Variants in DOCK1 observed in about 807,000 individuals in gnomAD.
The protein encoded by DOCK1 is dedicator of cytokinesis protein 1.
In DOCK1, 138 loss-of-function variants were observed where a neutral mutation model predicts 262.7. The ratio of observed to expected loss-of-function variants is 0.53; its 90% CI spans 0.46 to 0.61. The LOEUF (loss-of-function observed/expected upper bound fraction) is 0.61. Among genes scored for constraint, DOCK1 ranks in the 20% least tolerant of loss-of-function variants. DOCK1 has a pLI of 0.00. For synonymous variants in DOCK1, 866 were observed against 867.4 expected (o/e 1.00, Z 0.03); for missense variants, 1,908 against 2,370.7 (o/e 0.80, Z 4.05).
chr10:127,266,336 T>A lies in DOCK1; in HGVS notation c.3044+8907T>A, dbSNP rs1303982488. 3.3e-5 allele frequency among the ~76,000 whole-genome samples: 5 copies of A among 152,218 alleles called. No individual in the cohort carries two copies. The East Asian group carries it at 7.7e-4, about 23-fold the overall frequency. On this transcript the variant is annotated intron_variant, in intron 29 of 51. Coordinates refer to ENST00000623213, the MANE Select transcript of DOCK1 (RefSeq NM_001290223.2). The stretch of plus-strand genomic sequence containing the variant: ...TTGATGTTGTGACTTCTCATTTAAT[T>A]TATTTTTAATATTTATTGGCTTACT...
intron 1 of DOCK1, among the ~76,000 whole-genome samples, chr10:126,951,083 T>C (rs1356709172): frequency 6.6e-6 from 1 of 151,068 alleles, no homozygotes; most frequent in South Asian, 2.1e-4. Context: ...GGTAGTGTTT[T>C]TAGTATTGAT....
chr10:127,027,964 A>G (rs542234569), intron 16 of DOCK1, among the ~76,000 whole-genome samples: 4 of 149,216 alleles, frequency 2.7e-5, no homozygotes, highest in Admixed American at 6.8e-5. Flanking sequence ...ATGACTGTCA[A>G]TGGCAGATGT....
At chr10:127,302,553 G>A (rs1213111381) in intron 29 of DOCK1, among the ~76,000 whole-genome samples, 1 of 152,180 alleles carries the variant, frequency 6.6e-6, no homozygotes, top group African/African-American at 2.4e-5. Context: ...CTGGTGATGG[G>A]CTGTCAGTCC....
intron 37 of DOCK1, among the ~76,000 whole-genome samples, chr10:127,383,654 G>A (rs931510632): frequency 2.0e-5 from 3 of 152,182 alleles, no homozygotes; most frequent in African/African-American, 4.8e-5. Context: ...AAAGTGGGGC[G>A]GGACCTTTGC....
chr10:127,027,781 TG>T (rs2042969853), intron 16 of DOCK1, among the ~76,000 whole-genome samples: 1 of 151,764 alleles, frequency 6.6e-6, no homozygotes, highest in South Asian at 2.1e-4. Context: ...GGGCCCTCCA[TG>T]TGGGGTGGGT....
intron 25 of DOCK1, among the ~76,000 whole-genome samples, chr10:127,125,160 G>T (rs1283383989): frequency 6.6e-6 from 1 of 152,166 alleles, no homozygotes; most frequent in Non-Finnish European, 1.5e-5. Flanking sequence ...ATGTGTGTTT[G>T]TGTCTGCATT....
At chr10:127,222,775 CT>C (rs2058488798) in intron 27 of DOCK1, among the ~76,000 whole-genome samples, 1 of 151,684 alleles carries the variant, frequency 6.6e-6, no homozygotes, top group Non-Finnish European at 1.5e-5. Flanking sequence ...AAGTGATTCT[CT>C]CACTTTAGCC....
At chr10:126,974,252 C>T (rs1241379416) in intron 2 of DOCK1, among the ~76,000 whole-genome samples, 1 of 152,158 alleles carries the variant, frequency 6.6e-6, no homozygotes, top group Non-Finnish European at 1.5e-5. Context: ...CCATAGCGTC[C>T]CCAGGGTGAG....
At chr10:127,344,481 T>C (rs537955701) in intron 31 of DOCK1, 1 of 152,326 alleles carries the variant, frequency 6.6e-6, no homozygotes, top group East Asian at 1.9e-4. Flanking sequence ...AGTTCTGAAA[T>C]TGCATTGGTG....
intron 22 of DOCK1, among the ~76,000 whole-genome samples, chr10:127,057,950 A>T (rs528067599): frequency 2.0e-5 from 3 of 152,270 alleles, no homozygotes; most frequent in South Asian, 4.1e-4. Flanking sequence ...GGTCTTATTC[A>T]TCTGTTTATT....
chr10:127,139,332 AT>A (rs1273102999), intron 27 of DOCK1, among the ~76,000 whole-genome samples: 5 of 152,202 alleles, frequency 3.3e-5, no homozygotes, highest in African/African-American at 1.2e-4. Flanking sequence ...GGGCCATTTC[AT>A]GTTTTAAATC....
At chr10:127,395,867 G>A (rs1477726693) in intron 38 of DOCK1, among the ~76,000 whole-genome samples, 1 of 152,244 alleles carries the variant, frequency 6.6e-6, no homozygotes, top group East Asian at 1.9e-4. Flanking sequence ...TGGCCTAGAA[G>A]CCAAGAGTTC....
chr10:127,028,207 G>A (rs539223032), intron 16 of DOCK1, among the ~76,000 whole-genome samples: 3 of 152,264 alleles, frequency 2.0e-5, no homozygotes, highest in Admixed American at 6.5e-5. Context: ...CAGGAAGGCC[G>A]CCAGCTTGGA....
Position 126,926,141 on chromosome 10 carries a change from A to G in DOCK1, c.46+20578A>G, listed in dbSNP as rs116426429. Among the ~76,000 whole-genome samples the G allele has an allele frequency of 3.9e-3, 597 of 152,214 alleles. 7 individuals carry two copies. The highest frequency in any genetic ancestry group is 0.014 in the African/African-American group (578 of 41,538). On this transcript the variant is annotated intron_variant, in intron 1 of 51. Transcript: ENST00000623213. Reference sequence around the variant, plus strand: ...TAAAATGTTCAGCATCGTGCCCGACACCTGGTAGCCACCTGCTACATGGGA... The same window carrying G: ...TAAAATGTTCAGCATCGTGCCCGACGCCTGGTAGCCACCTGCTACATGGGA...
At chr10:127,251,636 G>A (rs572659118) in intron 28 of DOCK1, among the ~76,000 whole-genome samples, 1 of 147,892 alleles carries the variant, frequency 6.8e-6, no homozygotes, top group Non-Finnish European at 1.5e-5. Context: ...GCGGTGTTTG[G>A]TTTTTTGTCC....
At chr10:126,949,944 G>A (rs2134376928) in intron 1 of DOCK1, among the ~76,000 whole-genome samples, 1 of 152,166 alleles carries the variant, frequency 6.6e-6, no homozygotes, top group East Asian at 1.9e-4. Context: ...AGCATGCAGT[G>A]TTGTGGCTAG....
chr10:126,998,139 A>G lies in DOCK1; in HGVS notation c.657A>G (p.Ala219=), dbSNP rs762063121. 6.2e-7 allele frequency: 1 copy of G among 1,614,062 alleles called. No individual in the cohort carries two copies. Among genetic ancestry groups the G allele is most frequent in the South Asian group, 1.1e-5 (1 of 91,088 alleles). Residue 219 remains alanine, a synonymous_variant, in exon 8 of 52, where the codon GCA becomes GCG. Transcript: ENST00000623213. ...TTAACAGACAAGCCAAGTTTGCTGC[A>G]ACCCCTTCTCTGGCCTTGTTTGTGA... The part of the protein sequence containing the change: ...IDINRQAKFA[A]TPSLALFVNL...
At chr10:127,316,673 C>T (rs1306523791) in intron 29 of DOCK1, among the ~76,000 whole-genome samples, 3 of 152,056 alleles carry the variant, frequency 2.0e-5, no homozygotes, top group East Asian at 1.9e-4. Context: ...CTCAAAAGGG[C>T]GCGGTTTACA....
At chr10:127,215,482 T>TA (rs1478594084) in intron 27 of DOCK1, among the ~76,000 whole-genome samples, 5 of 152,170 alleles carry the variant, frequency 3.3e-5, no homozygotes, top group African/African-American at 1.2e-4. Flanking sequence ...CAAGATAATT[T>TA]AGAGCAGAAG....
Sources: gnomAD v4.1 joint callset for allele counts (sites outside exome capture counted in the v4.1 genomes callset) on GRCh38, gnomAD v4.1.1 for gene constraint, MANE v1.5 for transcripts, NCBI Gene and HGNC (gene_info 2026-07-23, HGNC 2026-07-21) for gene names.